AFF3: variants seen among roughly 807,000 people sequenced by gnomAD.
AFF3 encodes AF4/FMR2 family member 3.
A neutral mutation model predicts 129.7 loss-of-function variants in AFF3; 32 were observed. The observed-to-expected ratio is 0.25, with a 90% CI of 0.19 to 0.33. The LOEUF is 0.33. Ranked by LOEUF, AFF3 falls within the 10% of genes least tolerant of loss-of-function variation. AFF3 has a pLI of 1.00. For missense variants in AFF3, 1,373 were observed against 1,592.0 expected (o/e 0.86, Z 2.34); for synonymous variants, 644 against 635.4 (o/e 1.01, Z -0.20).
intron 13 of AFF3, among the ~76,000 whole-genome samples, chr2:99,611,899 ATT>A (rs68008982): frequency 8.2e-4 from 124 of 151,360 alleles, no homozygotes; most frequent in African/African-American, 2.9e-3. Context: ...AAAAAAAAAA[ATT>A]TATTCTTGCT....
At chr2:99,726,324 G>T (rs996662064) in intron 11 of AFF3, among the ~76,000 whole-genome samples, 61 of 152,098 alleles carry the variant, frequency 4.0e-4, no homozygotes, top group African/African-American at 1.4e-3. Flanking sequence ...TCCCCATACA[G>T]ATAAATTCAC....
chr2:99,793,418 C>T (rs1318897933), intron 8 of AFF3, among the ~76,000 whole-genome samples: 2 of 152,222 alleles, frequency 1.3e-5, no homozygotes, highest in African/African-American at 4.8e-5. Flanking sequence ...AACAGACTAA[C>T]ACACATGGAA....
intron 8 of AFF3, among the ~76,000 whole-genome samples, chr2:99,760,288 A>G (rs1040520097): frequency 6.6e-6 from 1 of 152,214 alleles, no homozygotes; most frequent in African/African-American, 2.4e-5. Flanking sequence ...CAAACTATGT[A>G]TTACTAAAAC....
chr2:99,686,963 G>A (rs1456985992), intron 11 of AFF3, among the ~76,000 whole-genome samples: 1 of 152,302 alleles, frequency 6.6e-6, no homozygotes, highest in Admixed American at 6.5e-5. Flanking sequence ...TTGCCTTTAT[G>A]TGCCAGGCAT....
intron 8 of AFF3, among the ~76,000 whole-genome samples, chr2:99,813,336 T>C (rs1686944646): frequency 6.6e-6 from 1 of 152,208 alleles, no homozygotes; most frequent in East Asian, 1.9e-4. Flanking sequence ...TTATACCAGT[T>C]TTATTCAAAA....
intron 7 of AFF3, among the ~76,000 whole-genome samples, chr2:99,950,532 T>C (rs540825339): frequency 3.3e-5 from 5 of 152,338 alleles, no homozygotes; most frequent in African/African-American, 9.6e-5. Context: ...CAATAATTCA[T>C]TGCTACTACT....
At chr2:100,016,770 ATGG>A (rs960749298) in intron 4 of AFF3, among the ~76,000 whole-genome samples, 4 of 145,242 alleles carry the variant, frequency 2.8e-5, no homozygotes, top group Non-Finnish European at 4.5e-5. Context: ...AGTAGTAGTG[ATGG>A]TGGTGGTGGT....
At chr2:99,818,720 G>C (rs973655232) in intron 8 of AFF3, among the ~76,000 whole-genome samples, 2 of 152,186 alleles carry the variant, frequency 1.3e-5, no homozygotes, top group African/African-American at 2.4e-5. Context: ...AATACTGCTA[G>C]AAGTTAGCAG....
chr2:99,927,233 G>C (rs903170533), intron 7 of AFF3, among the ~76,000 whole-genome samples: 1 of 152,194 alleles, frequency 6.6e-6, no homozygotes, highest in African/African-American at 2.4e-5. Flanking sequence ...TCCAGCCACA[G>C]GGCCTCTCCA....
intron 4 of AFF3, among the ~76,000 whole-genome samples, chr2:100,048,565 T>C (rs1157122743): frequency 2.0e-5 from 3 of 152,254 alleles, no homozygotes; most frequent in East Asian, 1.9e-4. Context: ...AAATGAGTAC[T>C]GCTTACAAAA....
intron 4 of AFF3, among the ~76,000 whole-genome samples, chr2:100,066,129 T>C (rs527776561): frequency 1.1e-3 from 161 of 152,300 alleles, no homozygotes; most frequent in Middle Eastern, 0.01. Flanking sequence ...CCAGATATTT[T>C]TGGGGTTGTG....
intron 8 of AFF3, among the ~76,000 whole-genome samples, chr2:99,812,041 T>C (rs917913358): frequency 2.6e-5 from 4 of 152,234 alleles, no homozygotes; most frequent in Non-Finnish European, 4.4e-5. Flanking sequence ...AATGTGCTCA[T>C]TCTAGGCACA....
intron 1 of AFF3, among the ~76,000 whole-genome samples, chr2:100,140,519 C>T (rs1478087257): frequency 2.0e-5 from 3 of 152,188 alleles, no homozygotes; most frequent in Non-Finnish European, 4.4e-5. Flanking sequence ...TATTTCCCTG[C>T]TCTGCACTCT....
At chr2:100,004,785 A>T (rs1175763421) in intron 7 of AFF3, among the ~76,000 whole-genome samples, 1 of 152,114 alleles carries the variant, frequency 6.6e-6, no homozygotes, top group African/African-American at 2.4e-5. Flanking sequence ...GACAAGTGTT[A>T]TAAGGTTCAA....
chr2:99,688,057 T>A (rs1439501786), intron 11 of AFF3, among the ~76,000 whole-genome samples: 1 of 152,170 alleles, frequency 6.6e-6, no homozygotes, highest in Non-Finnish European at 1.5e-5. Flanking sequence ...TTAGCCAGGA[T>A]GGTCTTGATC....
At chr2:100,139,314 T>C (rs764281728) in intron 1 of AFF3, among the ~76,000 whole-genome samples, 23 of 152,198 alleles carry the variant, frequency 1.5e-4, no homozygotes, top group Non-Finnish European at 2.8e-4. Context: ...ATTTAACATG[T>C]CCCCTGGTCT....
At position 99,549,447 on chromosome 2, in the gene AFF3, T is replaced by C. The variant is rs1674256666; in HGVS notation, c.*2027A>G. 1 of 179,240 alleles carries C rather than the reference T, an allele frequency of 5.6e-6. No homozygotes were observed. Among genetic ancestry groups the C allele is most frequent in the Non-Finnish European group, 1.2e-5 (1 of 83,692 alleles). The allele number at this position is 179,240 out of a possible 1,614,324, so 11.1% of individuals were successfully genotyped here. On this transcript the variant is annotated 3_prime_UTR_variant, in exon 25 of 25. Transcript: ENST00000672756. ...TAAAAACACAAAAATTAGCTGGGCA[T>C]GGTAGTGCACACCTGTAATCCCAGC...
chr2:100,018,039 T>C (rs1436531746), intron 4 of AFF3, among the ~76,000 whole-genome samples: 1 of 151,900 alleles, frequency 6.6e-6, no homozygotes, highest in Non-Finnish European at 1.5e-5. Context: ...TGTGTATATA[T>C]ATATATAGGC....
In AFF3 at chr2:99,847,145, C is replaced by T. The variant is rs116339948; in HGVS notation, c.874-9621G>A. On this transcript the variant is annotated intron_variant, in intron 7 of 24. Transcript: ENST00000672756. ...TTATATTTTTAAATCGATCTACCTA[C>T]AACACCCTATTTTAAATTTATGAAC... Among the ~76,000 whole-genome samples, 835 of 152,124 alleles carry T rather than the reference C, an allele frequency of 5.5e-3. 6 individuals carry two copies. Among genetic ancestry groups the T allele is most frequent in the African/African-American group, 0.019 (808 of 41,526 alleles).
Sources: gnomAD v4.1 joint callset for allele counts (sites outside exome capture counted in the v4.1 genomes callset) on GRCh38, gnomAD v4.1.1 for gene constraint, MANE v1.5 for transcripts, NCBI Gene and HGNC (gene_info 2026-07-23, HGNC 2026-07-21) for gene names.